The following KCNH8 variants were observed in gnomAD, a reference collection of about 807,000 sequenced individuals.
KCNH8 encodes voltage-gated delayed rectifier potassium channel KCNH8.
KCNH8 carries 70 observed loss-of-function variants against 103.6 expected under a neutral mutation model. The ratio of observed to expected loss-of-function variants is 0.68; its 90% confidence interval spans 0.56 to 0.82. KCNH8 has a LOEUF of 0.82. KCNH8 is among the 40% of genes least tolerant of loss of function. The pLI is 0.00. For synonymous variants in KCNH8, 498 were observed against 489.4 expected, an observed-to-expected ratio of 1.02 and a Z score of -0.23; for missense variants, 1,217 against 1,329.9, an observed-to-expected ratio of 0.92 and a Z score of 1.32.
chr3:19,284,028 A>G (rs2064793975), intron 3 of KCNH8, among the ~76,000 whole-genome samples: 1 of 152,052 alleles, frequency 6.6e-6, no homozygotes, highest in African/African-American at 2.4e-5. Flanking sequence ...TTACCAATTG[A>G]TGGCATGTCT....
intron 3 of KCNH8, among the ~76,000 whole-genome samples, chr3:19,318,671 A>G (rs1276230893): frequency 6.7e-6 from 1 of 149,044 alleles, no homozygotes; most frequent in Admixed American, 6.7e-5. Flanking sequence ...GTACACACAC[A>G]CACACACACA....
chr3:19,165,897 A>G (rs984349103), intron 1 of KCNH8, among the ~76,000 whole-genome samples: 2 of 152,138 alleles, frequency 1.3e-5, no homozygotes, highest in African/African-American at 2.4e-5. Context: ...TCTCCTCCAG[A>G]TGTCTCTCCT....
intron 2 of KCNH8, among the ~76,000 whole-genome samples, chr3:19,258,688 T>G (rs1291968965): frequency 1.3e-5 from 2 of 151,802 alleles, no homozygotes; most frequent in African/African-American, 2.4e-5. Context: ...AATTTCACCA[T>G]GTAAGAAAAT....
intron 4 of KCNH8, chr3:19,346,690 C>T (rs1430848322): frequency 2.2e-6 from 1 of 456,236 alleles, no homozygotes; most frequent in Admixed American, 2.4e-5. Flanking sequence ...TTAATCTGCC[C>T]TTCCCTCAAT....
At chr3:19,170,238 C>T (rs560369580) in intron 1 of KCNH8, among the ~76,000 whole-genome samples, 13 of 152,180 alleles carry the variant, frequency 8.5e-5, no homozygotes, top group African/African-American at 2.6e-4. Context: ...TTGTTTTTCA[C>T]GTCCTATTTT....
chr3:19,173,053 G>C (rs2063363055), intron 1 of KCNH8, among the ~76,000 whole-genome samples: 1 of 152,018 alleles, frequency 6.6e-6, no homozygotes. Flanking sequence ...ATTCTAGGTG[G>C]CTCTCAACTC....
In KCNH8 at chr3:19,148,531, A is replaced by G; in HGVS notation, c.-189A>G. The G allele has an allele frequency of 1.6e-6, 1 of 613,614 alleles. No individual in the cohort carries two copies. 38.0% of individuals were successfully genotyped at this position (613,614 alleles called of 1,614,324 possible). On this transcript the variant is annotated 5_prime_UTR_variant, in exon 1 of 16. Coordinates refer to ENST00000328405, the MANE Select transcript of KCNH8 (RefSeq NM_144633.3). The stretch of plus-strand genomic sequence containing the variant: ...GAGCGCTCTTGGGGCTCCTCCTGCC[A>G]CAGCCGGGGCGGCTGGAACTCTCTC...
At chr3:19,396,704 G>A (rs1186668175) in intron 7 of KCNH8, among the ~76,000 whole-genome samples, 1 of 151,890 alleles carries the variant, frequency 6.6e-6, no homozygotes, top group Non-Finnish European at 1.5e-5. Flanking sequence ...GGAGGATCAG[G>A]GTCTGAATTG....
At chr3:19,423,594 A>G (rs187430483) in intron 7 of KCNH8, among the ~76,000 whole-genome samples, 1 of 151,972 alleles carries the variant, frequency 6.6e-6, no homozygotes, top group Non-Finnish European at 1.5e-5. Context: ...GTTGCTGCAA[A>G]TGCCATTATT....
At chr3:19,530,393 A>C (rs1398810850) in intron 15 of KCNH8, among the ~76,000 whole-genome samples, 2 of 152,130 alleles carry the variant, frequency 1.3e-5, no homozygotes, top group Non-Finnish European at 2.9e-5. Context: ...ATTCATATAT[A>C]AAATATCACA....
intron 8 of KCNH8, among the ~76,000 whole-genome samples, chr3:19,448,631 T>C (rs1378042420): frequency 6.6e-6 from 1 of 152,074 alleles, no homozygotes; most frequent in African/African-American, 2.4e-5. Flanking sequence ...AGTAATAATA[T>C]GTTGACATAT....
At chr3:19,353,669 G>A (rs1272173123) in intron 5 of KCNH8, among the ~76,000 whole-genome samples, 2 of 152,124 alleles carry the variant, frequency 1.3e-5, no homozygotes, top group African/African-American at 2.4e-5. Context: ...AAAGGCCTTC[G>A]ACAAAATTCA....
intron 3 of KCNH8, among the ~76,000 whole-genome samples, chr3:19,341,321 C>G (rs904879764): frequency 7.9e-5 from 12 of 152,088 alleles, no homozygotes; most frequent in African/African-American, 2.7e-4. Context: ...TGTTTTCTAT[C>G]TATCAGGAGA....
At chr3:19,493,397 T>C (rs1389785061) in intron 11 of KCNH8, among the ~76,000 whole-genome samples, 3 of 152,130 alleles carry the variant, frequency 2.0e-5, no homozygotes, top group African/African-American at 7.2e-5. Flanking sequence ...GTTTTCTCCA[T>C]GCTGCTCTCG....
At chr3:19,524,339 G>A (rs539096546) in intron 15 of KCNH8, among the ~76,000 whole-genome samples, 6 of 151,778 alleles carry the variant, frequency 4.0e-5, no homozygotes, top group African/African-American at 7.3e-5. Flanking sequence ...GACCTAGAAC[G>A]ACAAAATTCA....
At chr3:19,181,828 A>G (rs1412021670) in intron 1 of KCNH8, among the ~76,000 whole-genome samples, 1 of 152,210 alleles carries the variant, frequency 6.6e-6, no homozygotes, top group Admixed American at 6.5e-5. Flanking sequence ...ACAGAGAAAG[A>G]GTGAAATATC....
chr3:19,438,846 C>A (rs1407757617), intron 8 of KCNH8, among the ~76,000 whole-genome samples: 1 of 152,170 alleles, frequency 6.6e-6, no homozygotes, highest in Non-Finnish European at 1.5e-5. Context: ...AAGTCTGTTT[C>A]AGACTCTTCA....
At chr3:19,402,034 A>T (rs1179635264) in intron 7 of KCNH8, among the ~76,000 whole-genome samples, 1 of 151,944 alleles carries the variant, frequency 6.6e-6, no homozygotes, top group Non-Finnish European at 1.5e-5. Flanking sequence ...CAAACACTCC[A>T]AGCAACAAAG....
At chr3:19,365,261 A>C (rs2065995767) in intron 5 of KCNH8, among the ~76,000 whole-genome samples, 2 of 152,244 alleles carry the variant, frequency 1.3e-5, no homozygotes, top group South Asian at 4.1e-4. Flanking sequence ...GGAGAAAAAC[A>C]AATGTCTGTC....
Sources: gnomAD v4.1 joint callset for allele counts (sites outside exome capture counted in the v4.1 genomes callset) on GRCh38, gnomAD v4.1.1 for gene constraint, MANE v1.5 for transcripts, NCBI Gene and HGNC (gene_info 2026-07-23, HGNC 2026-07-21) for gene names.